RSU1: variants seen among roughly 807,000 people sequenced by gnomAD.
RSU1 encodes Ras suppressor protein 1, also known as rsu-1.
Under a neutral mutation model 31.1 loss-of-function variants are expected in RSU1, and 26 were observed. The ratio of observed to expected loss-of-function variants is 0.84; its 90% CI spans 0.61 to 1.16. RSU1 has a LOEUF of 1.16. RSU1 is among the 50% of genes most tolerant of loss of function. The pLI is 0.00. For synonymous variants in RSU1, 164 were observed against 136.3 expected, an observed-to-expected ratio of 1.20 and a Z score of -1.41; for missense variants, 320 against 339.1, an observed-to-expected ratio of 0.94 and a Z score of 0.44.
chr10:16,607,690 G>A (rs754513906), intron 8 of RSU1, among the ~76,000 whole-genome samples: 15 of 152,270 alleles, frequency 9.9e-5, no homozygotes, highest in Admixed American at 2.6e-4. Flanking sequence ...GCCTGGTCAG[G>A]GTTGGGCATC....
chr10:16,787,668 A>G, intron 2 of RSU1, among the ~76,000 whole-genome samples: 1 of 152,126 alleles, frequency 6.6e-6, no homozygotes, highest in East Asian at 1.9e-4. Context: ...GGTTATATAA[A>G]TGGGAGTTCC....
intron 3 of RSU1, among the ~76,000 whole-genome samples, chr10:16,778,783 G>A (rs986543506): frequency 6.6e-6 from 1 of 152,176 alleles, no homozygotes; most frequent in Non-Finnish European, 1.5e-5. Flanking sequence ...TCCTAGAGCA[G>A]CAAATGGAGA....
In RSU1 at chr10:16,660,645, C is replaced by CTTTTTTTTTTT. The variant is rs796601054; in HGVS notation, c.731+34367_731+34377dup. 1.7e-3 allele frequency among the ~76,000 whole-genome samples: 133 copies of CTTTTTTTTTTT among 79,540 alleles called. 13 individuals carry two copies. The highest frequency in any genetic ancestry group is 4.1e-3 in the African/African-American group (69 of 17,034). 52.2% of individuals were successfully genotyped at this position (79,540 alleles called of 152,430 possible). A position where few individuals can be genotyped will look rare whatever the true frequency, so the allele number is the denominator to read the frequency against. ...TCCAGTTCATTTATTCTTGAACTCT[C>CTTTTTTTTTTT]TTTTTTTTTTTTTTTTTTTGAGGAA... On this transcript the variant is annotated intron_variant, in intron 8 of 8. Coordinates refer to ENST00000345264, the MANE Select transcript of RSU1 (RefSeq NM_012425.4).
intron 2 of RSU1, among the ~76,000 whole-genome samples, chr10:16,810,396 T>A (rs1838383967): frequency 6.6e-6 from 1 of 152,230 alleles, no homozygotes; most frequent in Non-Finnish European, 1.5e-5. Context: ...TTTCAAAGCA[T>A]GTCTGCCATT....
At chr10:16,778,795 G>A (rs966202384) in intron 3 of RSU1, among the ~76,000 whole-genome samples, 3 of 152,196 alleles carry the variant, frequency 2.0e-5, no homozygotes, top group Non-Finnish European at 4.4e-5. Flanking sequence ...AAATGGAGAG[G>A]AGAGGCTGGC....
At chr10:16,640,702 G>A (rs1293380890) in intron 8 of RSU1, among the ~76,000 whole-genome samples, 1 of 152,204 alleles carries the variant, frequency 6.6e-6, no homozygotes, top group East Asian at 1.9e-4. Flanking sequence ...CACCCGGATG[G>A]TACCTGCCTT....
rs78047420 is a variant in RSU1, at chr10:16,612,235, T to C, written c.732-18739A>G. 2.4e-4 allele frequency among the ~76,000 whole-genome samples: 37 copies of C among 152,340 alleles called. No homozygotes were observed. In the East Asian group the frequency reaches 7.0e-3, roughly 29 times the overall value. ...AACACTGTTTCTTTCCAAAGAGATA[T>C]ATATTTTTTAAATGTTGCAATATGT... is the stretch of plus-strand genomic sequence containing the variant. On this transcript the variant is annotated intron_variant, in intron 8 of 8. Coordinates refer to ENST00000345264, the MANE Select transcript of RSU1 (RefSeq NM_012425.4).
At chr10:16,753,731 C>T (rs762469573) in intron 5 of RSU1, among the ~76,000 whole-genome samples, 3 of 152,098 alleles carry the variant, frequency 2.0e-5, no homozygotes, top group Non-Finnish European at 2.9e-5. Flanking sequence ...TTATCTTCAA[C>T]CAAAAAAGCT....
chr10:16,715,143 A>G (rs1421804604), intron 7 of RSU1, among the ~76,000 whole-genome samples: 5 of 152,316 alleles, frequency 3.3e-5, no homozygotes, highest in African/African-American at 1.2e-4. Flanking sequence ...GCGGTCCAGC[A>G]TACTTCCTCG....
chr10:16,704,369 A>G (rs538748153), intron 7 of RSU1, among the ~76,000 whole-genome samples: 1 of 152,318 alleles, frequency 6.6e-6, no homozygotes, highest in South Asian at 2.1e-4. Context: ...TCTTAAAATT[A>G]AGAAGCAGCA....
intron 8 of RSU1, among the ~76,000 whole-genome samples, chr10:16,636,549 T>C (rs1479566626): frequency 1.3e-5 from 2 of 152,174 alleles, no homozygotes; most frequent in Non-Finnish European, 2.9e-5. Flanking sequence ...CCTTTTTACC[T>C]CCTTGTAGCA....
At chr10:16,796,188 C>A (rs973022979) in intron 2 of RSU1, among the ~76,000 whole-genome samples, 1 of 152,132 alleles carries the variant, frequency 6.6e-6, no homozygotes, top group East Asian at 1.9e-4. Flanking sequence ...GCAGCTCAAC[C>A]ATTATTTTTA....
rs1344710128 is a variant in RSU1, at chr10:16,767,163, C to T, written c.161-2653G>A. 10 of 152,240 alleles carry T rather than the reference C, an allele frequency of 6.6e-5. 1 individual carries two copies. Among genetic ancestry groups the T allele is most frequent in the Admixed American group, 6.5e-4 (10 of 15,280 alleles). 9.4% of individuals were successfully genotyped at this position (152,240 alleles called of 1,614,324 possible). Reference sequence around the variant, plus strand: ...CCTCCCCTGTCCACCCTCCAGCTACCACTAAGCCTTCATCTGATTAGTTTG... The same window carrying T: ...CCTCCCCTGTCCACCCTCCAGCTACTACTAAGCCTTCATCTGATTAGTTTG... On this transcript the variant is annotated intron_variant, in intron 3 of 8. Transcript: ENST00000345264.
At chr10:16,713,558 T>C (rs370323342) in intron 7 of RSU1, among the ~76,000 whole-genome samples, 5 of 152,346 alleles carry the variant, frequency 3.3e-5, no homozygotes, top group East Asian at 1.9e-4. Context: ...ATGACACTTA[T>C]CTTTGTTGCA....
chr10:16,685,832 C>G (rs1036076647), intron 8 of RSU1, among the ~76,000 whole-genome samples: 1 of 152,158 alleles, frequency 6.6e-6, no homozygotes, highest in African/African-American at 2.4e-5. Flanking sequence ...CTGGTTCATG[C>G]GTCCCAGAGA....
chr10:16,688,488 A>G (rs983199419), intron 8 of RSU1, among the ~76,000 whole-genome samples: 94 of 152,328 alleles, frequency 6.2e-4, no homozygotes, highest in African/African-American at 2.2e-3. Flanking sequence ...GAGCGCCTGC[A>G]GTCCCAGCCA....
intron 8 of RSU1, among the ~76,000 whole-genome samples, chr10:16,636,168 T>A (rs977875129): frequency 6.6e-6 from 1 of 152,092 alleles, no homozygotes; most frequent in Non-Finnish European, 1.5e-5. Context: ...AGCCAAGATC[T>A]CAATCCTGCC....
At chr10:16,772,842 A>T (rs1426124768) in intron 3 of RSU1, among the ~76,000 whole-genome samples, 1 of 152,162 alleles carries the variant, frequency 6.6e-6, no homozygotes, top group Non-Finnish European at 1.5e-5. Context: ...GTCACATTCT[A>T]TCTTGCACTC....
chr10:16,791,819 G>T (rs1249794943), intron 2 of RSU1, among the ~76,000 whole-genome samples: 1 of 152,120 alleles, frequency 6.6e-6, no homozygotes, highest in Non-Finnish European at 1.5e-5. Flanking sequence ...AGCCCTGTAA[G>T]ATGACATTAC....
Sources: gnomAD v4.1 joint callset for allele counts (sites outside exome capture counted in the v4.1 genomes callset) on GRCh38, gnomAD v4.1.1 for gene constraint, MANE v1.5 for transcripts, NCBI Gene and HGNC (gene_info 2026-07-23, HGNC 2026-07-21) for gene names.